Variants in COL5A2 observed in about 807,000 individuals in gnomAD.
COL5A2 encodes the protein collagen alpha-2(V) chain.
A neutral mutation model predicts 208.2 loss-of-function variants in COL5A2; 23 were observed. The observed-to-expected ratio is 0.11, with a 90% CI of 0.08 to 0.16. The LOEUF (loss-of-function observed/expected upper bound fraction) is 0.16. COL5A2 is among the 10% of genes least tolerant of loss of function. The pLI is 1.00. For synonymous variants in COL5A2, 625 were observed against 628.5 expected (o/e 0.99, Z 0.08); for missense variants, 1,590 against 1,956.4 (o/e 0.81, Z 3.53).
intron 12 of COL5A2, among the ~76,000 whole-genome samples, chr2:189,082,285 G>C (rs142806069): frequency 2.2e-4 from 34 of 152,126 alleles, no homozygotes; most frequent in Non-Finnish European, 4.4e-4. Flanking sequence ...GCAATAATTC[G>C]TCTGTGACCT....
chr2:189,322,198 A>G, the COL5A2 span, among the ~76,000 whole-genome samples: 19 of 152,218 alleles, frequency 1.2e-4, no homozygotes, highest in African/African-American at 4.6e-4. Context: ...GGAAATTTAT[A>G]GCACTAAATA....
the COL5A2 span, among the ~76,000 whole-genome samples, chr2:189,306,824 CT>C: frequency 2.6e-5 from 4 of 152,284 alleles, no homozygotes; most frequent in East Asian, 7.7e-4. Context: ...ATCACTTGCT[CT>C]TGGTTAAAGT....
chr2:189,203,999 G>A (rs1490296145), intron 1 of COL5A2, among the ~76,000 whole-genome samples: 1 of 151,800 alleles, frequency 6.6e-6, no homozygotes, highest in African/African-American at 2.4e-5. Flanking sequence ...CCGGGTTCAC[G>A]CCATTCTCCT....
intron 8 of COL5A2, among the ~76,000 whole-genome samples, chr2:189,087,410 C>T (rs913446204): frequency 3.9e-5 from 6 of 151,918 alleles, no homozygotes; most frequent in Non-Finnish European, 5.9e-5. Context: ...ATGTATATTA[C>T]TATTTTTTAA....
At chr2:189,346,340 A>C in the COL5A2 span, among the ~76,000 whole-genome samples, 26 of 152,306 alleles carry the variant, frequency 1.7e-4, no homozygotes, top group African/African-American at 6.3e-4. Flanking sequence ...CAGTAATTGT[A>C]AAACCTAACT....
the COL5A2 span, among the ~76,000 whole-genome samples, chr2:189,257,321 T>C: frequency 6.6e-6 from 1 of 152,350 alleles, no homozygotes; most frequent in African/African-American, 2.4e-5. Context: ...AAAATTCTTA[T>C]TATGTATGAC....
intron 1 of COL5A2, among the ~76,000 whole-genome samples, chr2:189,187,315 G>A (rs1430682222): frequency 1.3e-5 from 2 of 152,172 alleles, no homozygotes; most frequent in African/African-American, 4.8e-5. Flanking sequence ...TCTATCCACT[G>A]TACCTTGATA....
the COL5A2 span, among the ~76,000 whole-genome samples, chr2:189,395,018 G>A: frequency 1.3e-5 from 2 of 152,210 alleles, no homozygotes; most frequent in South Asian, 4.1e-4. Context: ...CATTTTTAAA[G>A]CTTCCACAAA....
At chr2:189,204,571 T>C (rs953782343) in intron 1 of COL5A2, among the ~76,000 whole-genome samples, 20 of 152,206 alleles carry the variant, frequency 1.3e-4, no homozygotes, top group African/African-American at 4.8e-4. Context: ...AACTAATGAA[T>C]CCATTTCATC....
At chr2:189,113,289 C>A (rs953557008) in intron 1 of COL5A2, among the ~76,000 whole-genome samples, 1 of 152,144 alleles carries the variant, frequency 6.6e-6, no homozygotes, top group South Asian at 2.1e-4. Flanking sequence ...GTTAGCCAGG[C>A]ACAGTGGCTT....
intron 1 of COL5A2, among the ~76,000 whole-genome samples, chr2:189,159,121 T>C (rs1457338139): frequency 6.6e-6 from 1 of 152,178 alleles, no homozygotes; most frequent in Non-Finnish European, 1.5e-5. Flanking sequence ...TGAACAAAGG[T>C]ATTGATCATC....
the COL5A2 span, among the ~76,000 whole-genome samples, chr2:189,391,441 T>C: frequency 6.6e-6 from 1 of 152,174 alleles, no homozygotes; most frequent in Non-Finnish European, 1.5e-5. Flanking sequence ...AAATAAAATG[T>C]TGATTGCTTT....
chr2:189,317,419 T>C, the COL5A2 span, among the ~76,000 whole-genome samples: 1 of 152,160 alleles, frequency 6.6e-6, no homozygotes, highest in Non-Finnish European at 1.5e-5. Context: ...CTAACACTTC[T>C]ATAATTCTTC....
the COL5A2 span, among the ~76,000 whole-genome samples, chr2:189,294,528 T>C: frequency 4.6e-5 from 7 of 151,372 alleles, no homozygotes; most frequent in East Asian, 5.9e-4. Context: ...ATTTATCACA[T>C]TTGTCAGTGC....
rs71020984 is a variant in COL5A2, at chr2:189,167,664, A to ATTTTT, written c.97+11839_97+11843dup. Among the ~76,000 whole-genome samples the ATTTTT allele has an allele frequency of 4.4e-3, 611 of 140,116 alleles. 3 individuals are homozygous for ATTTTT. Among genetic ancestry groups the ATTTTT allele is most frequent in the African/African-American group, 0.011 (411 of 38,306 alleles). 91.9% of individuals were successfully genotyped at this position (140,116 alleles called of 152,430 possible). On this transcript the variant is annotated intron_variant, in intron 1 of 53. Transcript: ENST00000374866. ...TAGGGAAGGATTGAAGAAAGAAGTG[A>ATTTTT]TTTTTTTTTTTTTTTTTTAGTCCTG...
chr2:189,433,398 T>A, the COL5A2 span, among the ~76,000 whole-genome samples: 1 of 152,050 alleles, frequency 6.6e-6, no homozygotes, highest in Non-Finnish European at 1.5e-5. Context: ...CAGGAGCTGG[T>A]TTTTTGAAAA....
chr2:189,255,800 G>A, the COL5A2 span, among the ~76,000 whole-genome samples: 2 of 152,134 alleles, frequency 1.3e-5, no homozygotes, highest in East Asian at 3.9e-4. Context: ...CATGTTATAA[G>A]ATTAAAATGG....
the COL5A2 span, among the ~76,000 whole-genome samples, chr2:189,367,599 T>C: frequency 6.6e-6 from 1 of 152,192 alleles, no homozygotes; most frequent in Non-Finnish European, 1.5e-5. Context: ...TCCAGAGCTT[T>C]ACCTAAACAG....
chr2:189,188,990 C>T (rs1247704084), intron 1 of COL5A2, among the ~76,000 whole-genome samples: 8 of 152,082 alleles, frequency 5.3e-5, no homozygotes, highest in Non-Finnish European at 1.2e-4. Context: ...GAAATTAATT[C>T]TGTTTTGCAG....
Sources: gnomAD v4.1 joint callset for allele counts (sites outside exome capture counted in the v4.1 genomes callset) on GRCh38, gnomAD v4.1.1 for gene constraint, MANE v1.5 for transcripts, NCBI Gene and HGNC (gene_info 2026-07-23, HGNC 2026-07-21) for gene names.